Variants in SKAP1 observed in about 807,000 individuals in gnomAD.
SKAP1 encodes the protein src kinase-associated phosphoprotein 1.
SKAP1 carries 44 observed loss-of-function variants against 58.5 expected under a neutral mutation model. The ratio of observed to expected loss-of-function variants is 0.75; its 90% CI spans 0.59 to 0.97. SKAP1 has a LOEUF of 0.97. Ranked by LOEUF, SKAP1 falls within the 50% of genes least tolerant of loss-of-function variation. The probability of loss-of-function intolerance (pLI) is 0.00; values close to 1 mark genes in which losing one functional copy is unlikely to be tolerated. For missense variants in SKAP1, 390 were observed against 435.2 expected (o/e 0.90, Z 0.92); for synonymous variants, 127 against 149.7 (o/e 0.85, Z 1.11).
At chr17:48,333,837 A>C (rs914888139) in intron 4 of SKAP1, among the ~76,000 whole-genome samples, 17 of 152,022 alleles carry the variant, frequency 1.1e-4, no homozygotes, top group African/African-American at 4.1e-4. Context: ...ATACTGTCAA[A>C]TTTAAGTAAA....
intron 11 of SKAP1, among the ~76,000 whole-genome samples, chr17:48,141,078 C>G (rs896756277): frequency 1.3e-5 from 2 of 152,018 alleles, no homozygotes; most frequent in Admixed American, 6.6e-5. Flanking sequence ...TGAGCCACTT[C>G]GCCCAGCCCC....
chr17:48,279,355 C>A (rs564621961), intron 4 of SKAP1, among the ~76,000 whole-genome samples: 1 of 152,294 alleles, frequency 6.6e-6, no homozygotes, highest in East Asian at 1.9e-4. Flanking sequence ...ACAAGGATTC[C>A]TGACACAATA....
intron 4 of SKAP1, among the ~76,000 whole-genome samples, chr17:48,265,258 C>A (rs2065531361): frequency 6.6e-6 from 1 of 152,102 alleles, no homozygotes; most frequent in East Asian, 1.9e-4. Flanking sequence ...GTAATCCCAG[C>A]ACTTTGGGAG....
chr17:48,400,862 G>A (rs774825169), intron 1 of SKAP1, among the ~76,000 whole-genome samples: 4 of 152,036 alleles, frequency 2.6e-5, no homozygotes, highest in African/African-American at 4.8e-5. Flanking sequence ...ACTTAATATC[G>A]TTAAAATGGC....
intron 1 of SKAP1, among the ~76,000 whole-genome samples, chr17:48,408,881 C>G (rs2067624958): frequency 6.6e-6 from 1 of 152,178 alleles, no homozygotes; most frequent in African/African-American, 2.4e-5. Flanking sequence ...GGTGCCTGAG[C>G]AACTTCACTG....
chr17:48,194,929 A>G (rs899368526), intron 4 of SKAP1, among the ~76,000 whole-genome samples: 2 of 152,182 alleles, frequency 1.3e-5, no homozygotes, highest in African/African-American at 4.8e-5. Context: ...GAGATTGGAG[A>G]AAATTTAACA....
chr17:48,254,125 A>G (rs1413154595), intron 4 of SKAP1, among the ~76,000 whole-genome samples: 2 of 152,162 alleles, frequency 1.3e-5, no homozygotes, highest in African/African-American at 4.8e-5. Flanking sequence ...TGGATAAATA[A>G]TAGGGCCATT....
intron 9 of SKAP1, among the ~76,000 whole-genome samples, chr17:48,173,289 C>A (rs1358847415): frequency 6.6e-6 from 1 of 152,050 alleles, no homozygotes; most frequent in African/African-American, 2.4e-5. Context: ...GTTCTTATAG[C>A]CATGTATGAT....
At chr17:48,189,064 C>T (rs2064499771) in intron 5 of SKAP1, among the ~76,000 whole-genome samples, 1 of 152,130 alleles carries the variant, frequency 6.6e-6, no homozygotes, top group Non-Finnish European at 1.5e-5. Flanking sequence ...TAGACTGCTT[C>T]ACATATGATA....
chr17:48,424,438 G>T (rs1478883411), intron 1 of SKAP1, among the ~76,000 whole-genome samples: 1 of 150,860 alleles, frequency 6.6e-6, no homozygotes, highest in African/African-American at 2.4e-5. Context: ...TGTTAGCCAG[G>T]ATGGTCTCAA....
chr17:48,197,064 G>A (rs1567816343), intron 4 of SKAP1, among the ~76,000 whole-genome samples: 1 of 152,038 alleles, frequency 6.6e-6, no homozygotes. Context: ...TAAGACCACC[G>A]TGGCCAGCAT....
chr17:48,192,180 TAA>T (rs11409890), intron 4 of SKAP1, among the ~76,000 whole-genome samples: 1 of 148,998 alleles, frequency 6.7e-6, no homozygotes, highest in Non-Finnish European at 1.5e-5. Flanking sequence ...CTCTGCCTCT[TAA>T]AAAAAAAAAT....
At chr17:48,224,948 A>C (rs1363061728) in intron 4 of SKAP1, among the ~76,000 whole-genome samples, 1 of 152,188 alleles carries the variant, frequency 6.6e-6, no homozygotes, top group Non-Finnish European at 1.5e-5. Flanking sequence ...CACATTAGAG[A>C]ACTACTGCTT....
chr17:48,197,279 G>T (rs1384986529), intron 4 of SKAP1, among the ~76,000 whole-genome samples: 2 of 120,858 alleles, frequency 1.7e-5, no homozygotes, highest in Non-Finnish European at 3.7e-5. Context: ...AAAAAAAAAT[G>T]CTGATTGGTC....
chr17:48,404,000 A>C (rs2067536214), intron 1 of SKAP1, among the ~76,000 whole-genome samples: 1 of 151,792 alleles, frequency 6.6e-6, no homozygotes, highest in Non-Finnish European at 1.5e-5. Flanking sequence ...GAGGCAGGAG[A>C]ATCCCTTGAA....
chr17:48,424,311 TC>T (rs1369357990), intron 1 of SKAP1, among the ~76,000 whole-genome samples: 10 of 140,876 alleles, frequency 7.1e-5, no homozygotes, highest in African/African-American at 2.6e-4. Context: ...CTGCAAGCTC[TC>T]CCTCCCGGGT....
At chr17:48,412,561 T>A (rs1179544763) in intron 1 of SKAP1, among the ~76,000 whole-genome samples, 1 of 152,180 alleles carries the variant, frequency 6.6e-6, no homozygotes, top group African/African-American at 2.4e-5. Context: ...AAATGGGGAA[T>A]AAAGAAGATC....
chr17:48,233,964 G>T (rs957115389), intron 4 of SKAP1, among the ~76,000 whole-genome samples: 3 of 152,104 alleles, frequency 2.0e-5, no homozygotes, highest in East Asian at 1.9e-4. Flanking sequence ...TGAGTGTTTG[G>T]TTTTTTTGGC....
At chr17:48,411,360 C>G (rs2067662917) in intron 1 of SKAP1, among the ~76,000 whole-genome samples, 1 of 151,896 alleles carries the variant, frequency 6.6e-6, no homozygotes, top group Admixed American at 6.6e-5. Context: ...CATCACGCCA[C>G]TGCACACCAG....
Sources: allele counts gnomAD v4.1 joint callset (sites outside exome capture counted in the v4.1 genomes callset), GRCh38; gene constraint gnomAD v4.1.1; transcripts MANE v1.5; gene names NCBI Gene and HGNC (gene_info 2026-07-23, HGNC 2026-07-21).